Variants in CFAP54 observed in about 807,000 individuals in gnomAD.
CFAP54 encodes cilia and flagella associated protein 54.
A neutral mutation model predicts 370.4 loss-of-function variants in CFAP54; 290 were observed. That is an observed-to-expected ratio of 0.78 (90% CI 0.71 to 0.86). The LOEUF (loss-of-function observed/expected upper bound fraction) is 0.86, where lower values mean the gene tolerates loss of function less well. Ranked by LOEUF, CFAP54 falls within the 40% of genes least tolerant of loss-of-function variation. CFAP54 has a pLI of 0.00. For synonymous variants in CFAP54, 1,206 were observed against 1,236.5 expected (o/e 0.98, Z 0.52); for missense variants, 3,399 against 3,528.7 (o/e 0.96, Z 0.93).
intron 66 of CFAP54, among the ~76,000 whole-genome samples, chr12:96,841,889 T>A (rs1485385491): frequency 6.6e-6 from 1 of 152,254 alleles, no homozygotes; most frequent in African/African-American, 2.4e-5. Context: ...CGTCACTTCC[T>A]TATCTATAAA....
intron 65 of CFAP54, 61 bp downstream of exon 65, chr12:96,817,974 A>G: frequency 1.7e-6 from 2 of 1,185,532 alleles, no homozygotes; most frequent in Non-Finnish European, 2.2e-6. Context: ...TCCTCAAAGC[A>G]GAACTATGTA....
chr12:96,644,273 A>G lies in CFAP54; in HGVS notation c.4412A>G (p.His1471Arg), dbSNP rs757022653. The change falls in exon 33 of 68, where the codon CAT (histidine) becomes CGT (arginine). Residue 1471 changes from histidine (H) to arginine (R), a missense_variant. Coordinates refer to ENST00000524981, the MANE Select transcript of CFAP54 (RefSeq NM_001306084.2). ...AGTTATGTTAAAAGAAAGAGGTTCC[A>G]TCGTCTATCACTTGAAGAGATGCCC... Reference protein sequence around the residue: ...ILSYVKRKRFHRLSLEEMPWR... With the variant: ...ILSYVKRKRFRRLSLEEMPWR... 47 of 1,535,764 alleles carry G rather than the reference A, an allele frequency of 3.1e-5. No individual in the cohort carries two copies. The highest frequency in any genetic ancestry group is 4.8e-5 in the South Asian group (4 of 84,060).
intron 26 of CFAP54, among the ~76,000 whole-genome samples, chr12:96,616,905 A>G (rs1315939919): frequency 2.0e-5 from 3 of 152,326 alleles, no homozygotes; most frequent in African/African-American, 7.2e-5. Context: ...TACAACAGCT[A>G]ATAATTAGAG....
chr12:96,679,815 C>A, intron 40 of CFAP54, 63 bp downstream of exon 40: 1 of 1,461,210 alleles, frequency 6.8e-7, no homozygotes, highest in Non-Finnish European at 9.4e-7. Context: ...CTGCAGATGT[C>A]CCTCTTCTGC....
At chr12:96,753,009 T>C (rs1958206513) in intron 55 of CFAP54, among the ~76,000 whole-genome samples, 1 of 152,214 alleles carries the variant, frequency 6.6e-6, no homozygotes, top group Non-Finnish European at 1.5e-5. Context: ...GTAATGCATT[T>C]AAGTCCTTCA....
chr12:96,551,137 G>T (rs892781358), intron 15 of CFAP54, among the ~76,000 whole-genome samples: 1 of 151,416 alleles, frequency 6.6e-6, no homozygotes, highest in African/African-American at 2.4e-5. Context: ...TGGGTGTGAT[G>T]ACATGTGCCT....
At chr12:96,812,877 TTCTCCTCTTC>T (rs1238809616) in intron 64 of CFAP54, among the ~76,000 whole-genome samples, 1 of 151,928 alleles carries the variant, frequency 6.6e-6, no homozygotes, top group Non-Finnish European at 1.5e-5. Flanking sequence ...TTTTCTTCTT[TTCTCCTCTTC>T]TCTCCTGTTC....
intron 40 of CFAP54, among the ~76,000 whole-genome samples, chr12:96,680,434 T>C (rs1172630487): frequency 6.6e-6 from 1 of 152,146 alleles, no homozygotes; most frequent in Non-Finnish European, 1.5e-5. Context: ...AAAAATCCTG[T>C]TTTATATTTA....
At chr12:96,825,248 T>C (rs1446862838) in intron 65 of CFAP54, among the ~76,000 whole-genome samples, 3 of 105,402 alleles carry the variant, frequency 2.8e-5, no homozygotes, top group Admixed American at 2.2e-4. Context: ...GGATCCTAGA[T>C]ATTATATATT....
At chr12:96,522,063 T>C (rs1955327090) in intron 7 of CFAP54, 25 bp from the exon 8 acceptor site, 1 of 1,530,054 alleles carries the variant, frequency 6.5e-7, no homozygotes, top group Middle Eastern at 1.7e-4. Flanking sequence ...TGTTATTTCA[T>C]GTATAATTCT....
intron 65 of CFAP54, among the ~76,000 whole-genome samples, chr12:96,824,081 G>T (rs912690117): frequency 6.6e-6 from 1 of 152,170 alleles, no homozygotes; most frequent in Non-Finnish European, 1.5e-5. Flanking sequence ...CTTTTTAAGG[G>T]AGAAGTGGCA....
At chr12:96,768,410 T>C (rs1958423807) in intron 60 of CFAP54, among the ~76,000 whole-genome samples, 1 of 152,108 alleles carries the variant, frequency 6.6e-6, no homozygotes. Flanking sequence ...CCTGGCACTT[T>C]GGAAGGCCAA....
chr12:96,534,149 A>G lies in CFAP54; in HGVS notation c.1627A>G (p.Lys543Glu), dbSNP rs1369022537. The G allele has an allele frequency of 6.5e-7, 1 of 1,529,806 alleles. No homozygotes were observed. Among genetic ancestry groups the G allele is most frequent in the Non-Finnish European group, 8.8e-7 (1 of 1,142,012 alleles). 94.8% of individuals were successfully genotyped at this position (1,529,806 alleles called of 1,614,324 possible). A position where few individuals can be genotyped will look rare whatever the true frequency, so the allele number is the denominator to read the frequency against. ...ACCACTAATCAACGTGAAGAGAAAC[A>G]AAGGTTTGATCTTTCCTTTGGAAAA... ...MEPLINVKRN[K>E]GLIFPLENYK... Residue 543 changes from lysine (K) to glutamate (E), a missense_variant, in exon 11 of 68, where the codon AAA (lysine) becomes GAA (glutamate). Lys to Glu is a moderately conservative substitution (Grantham distance 56). Coordinates refer to ENST00000524981, the MANE Select transcript of CFAP54 (RefSeq NM_001306084.2).
At chr12:96,702,337 G>T (rs1047097392) in intron 46 of CFAP54, among the ~76,000 whole-genome samples, 11 of 152,128 alleles carry the variant, frequency 7.2e-5, no homozygotes, top group African/African-American at 2.7e-4. Flanking sequence ...GGAGAGTTTG[G>T]GGTTGCAGGG....
At chr12:96,589,684 A>C (rs1328677558) in intron 23 of CFAP54, 121 bp downstream of exon 23, 2 of 635,698 alleles carry the variant, frequency 3.1e-6, no homozygotes, top group Non-Finnish European at 5.3e-6. Context: ...CATCATTTCT[A>C]ATAACTATTG....
At chr12:96,740,580 C>T (rs1230602769) in intron 51 of CFAP54, among the ~76,000 whole-genome samples, 3 of 152,152 alleles carry the variant, frequency 2.0e-5, no homozygotes, top group Admixed American at 6.5e-5. Flanking sequence ...TTGTTTAGGA[C>T]TGAATTATAA....
chr12:96,780,443 A>C (rs907590063), intron 60 of CFAP54, among the ~76,000 whole-genome samples: 1 of 152,128 alleles, frequency 6.6e-6, no homozygotes, highest in Non-Finnish European at 1.5e-5. Flanking sequence ...TCTTTACAAC[A>C]CTGCAGTGTT....
intron 63 of CFAP54, among the ~76,000 whole-genome samples, chr12:96,793,148 A>G (rs1196391271): frequency 6.6e-6 from 1 of 152,056 alleles, no homozygotes; most frequent in Non-Finnish European, 1.5e-5. Flanking sequence ...TGGTGCACCC[A>G]TCACCCAAGC....
intron 55 of CFAP54, among the ~76,000 whole-genome samples, chr12:96,747,053 G>A (rs1484509097): frequency 2.0e-5 from 3 of 152,110 alleles, no homozygotes; most frequent in Non-Finnish European, 4.4e-5. Flanking sequence ...CTTGTTTGAA[G>A]CCTCCATTAC....
Sources: allele counts gnomAD v4.1 joint callset (sites outside exome capture counted in the v4.1 genomes callset), GRCh38; gene constraint gnomAD v4.1.1; transcripts MANE v1.5; gene names NCBI Gene and HGNC (gene_info 2026-07-23, HGNC 2026-07-21).